Variants in HACD1 observed in about 807,000 individuals in gnomAD.
HACD1 encodes the protein 3-hydroxyacyl-CoA dehydratase 1.
HACD1 carries 41 observed loss-of-function variants against 32.0 expected under a neutral mutation model. The observed-to-expected ratio is 1.28, with a 90% CI of 1.00 to 1.66. The LOEUF is 1.66. Ranked by LOEUF, HACD1 falls within the 40% of genes most tolerant of loss-of-function variation. HACD1 has a pLI of 0.00. For synonymous variants in HACD1, 142 were observed against 139.0 expected, an observed-to-expected ratio of 1.02 and a Z score of -0.15; for missense variants, 396 against 380.1, an observed-to-expected ratio of 1.04 and a Z score of -0.35.
chr10:17,606,620 A>C (rs1834152647), intron 1 of HACD1, among the ~76,000 whole-genome samples: 1 of 152,238 alleles, frequency 6.6e-6, no homozygotes, highest in Non-Finnish European at 1.5e-5. Context: ...AGAATCTACT[A>C]ACTGAATCTG....
At chr10:17,615,823 G>T (rs1375165991) in intron 1 of HACD1, 6 of 430,520 alleles carry the variant, frequency 1.4e-5, no homozygotes, top group Non-Finnish European at 2.3e-5. Flanking sequence ...AAAAATTAAT[G>T]GGGCGTGGTG....
intron 1 of HACD1, among the ~76,000 whole-genome samples, chr10:17,616,735 C>G (rs1308499693): frequency 1.3e-5 from 2 of 152,018 alleles, no homozygotes; most frequent in Non-Finnish European, 2.9e-5. Context: ...GCTCCCGAGA[C>G]CATCGAGTGG....
chr10:17,592,089 T>A (rs1833936616), intron 6 of HACD1, among the ~76,000 whole-genome samples: 1 of 150,782 alleles, frequency 6.6e-6, no homozygotes, highest in Admixed American at 6.7e-5. Context: ...TTCAGTGATT[T>A]TCCTGCATCA....
In HACD1 at chr10:17,608,597, G is replaced by A. The variant is rs782390455; in HGVS notation, c.258-4550C>T. Reference sequence around the variant, plus strand: ...AACCTCCCAGGTTCCAGTGATTCTCGTGCCTTAGCCTCCCAAGTGGCTGGG... The same window carrying A: ...AACCTCCCAGGTTCCAGTGATTCTCATGCCTTAGCCTCCCAAGTGGCTGGG... On this transcript the variant is annotated intron_variant, in intron 1 of 6. Coordinates refer to ENST00000361271, the MANE Select transcript of HACD1 (RefSeq NM_014241.4). 4.6e-5 allele frequency among the ~76,000 whole-genome samples: 7 copies of A among 151,548 alleles called. No homozygotes were observed. In the South Asian group the frequency reaches 8.4e-4, roughly 18 times the overall value.
In HACD1 at chr10:17,590,241, A is replaced by G; in HGVS notation, c.*123T>C. The G allele has an allele frequency of 1.5e-6, 1 of 659,934 alleles. No individual in the cohort carries two copies. The highest frequency in any genetic ancestry group is 2.5e-6 in the Non-Finnish European group (1 of 398,704). 40.9% of individuals were successfully genotyped at this position (659,934 alleles called of 1,614,324 possible). On this transcript the variant is annotated 3_prime_UTR_variant, in exon 7 of 7. Coordinates refer to ENST00000361271, the MANE Select transcript of HACD1 (RefSeq NM_014241.4). ...ATACTGGCAAATACCACGTGTCTCA[A>G]GTTATATTTTAAGAAACCATACAAT...
At chr10:17,600,545 C>T (rs1277329087) in intron 4 of HACD1, among the ~76,000 whole-genome samples, 4 of 152,090 alleles carry the variant, frequency 2.6e-5, no homozygotes, top group South Asian at 2.1e-4. Flanking sequence ...AGGCTGGTCT[C>T]GAATTCCTGA....
chr10:17,602,725 A>G (rs975689045), intron 4 of HACD1, among the ~76,000 whole-genome samples: 1 of 152,126 alleles, frequency 6.6e-6, no homozygotes, highest in Non-Finnish European at 1.5e-5. Context: ...GCTATTAACT[A>G]TAGTCACTAC....
intron 2 of HACD1, 47 bp from the exon 3 acceptor site, chr10:17,603,791 T>G (rs17378371): frequency 6.4e-7 from 1 of 1,554,098 alleles, no homozygotes; most frequent in East Asian, 2.2e-5. Context: ...TAGAAAACAT[T>G]AAATAAACCA....
In HACD1 at chr10:17,599,423, C is replaced by T. The variant is rs782225252; in HGVS notation, c.484-12G>A. On this transcript the variant is annotated splice_polypyrimidine_tract_variant and intron_variant, in intron 4 of 6. Transcript: ENST00000361271. ...TCTTCATTCTGGATCTGCAGAATTA[C>T]AGAGAAACCCAGTGTCATTCAACCT... The T allele has an allele frequency of 6.2e-7, 1 of 1,610,948 alleles. No individual in the cohort carries two copies.
In HACD1 at chr10:17,604,031, T is replaced by A. The variant is rs2131513153; in HGVS notation, c.274A>T (p.Ile92Phe). The change falls in exon 2 of 7, where the codon ATT becomes TTT. Residue 92 changes from isoleucine (I) to phenylalanine (F), a missense_variant. Ile to Phe is a conservative substitution (Grantham distance 21). Transcript: ENST00000361271. ...TCCATATAAAAACGTACCATGGCAA[T>A]AGCTAGAACCAACCACCTAAAAAAA... ...AMTAGWLVLA[I>F]AMVRFYMEKG... 2 of 1,574,578 alleles carry A rather than the reference T, an allele frequency of 1.3e-6. No homozygotes were observed. Among genetic ancestry groups the A allele is most frequent in the South Asian group, 2.4e-5 (2 of 84,362 alleles).
chr10:17,593,225 G>A (rs1175747220), intron 6 of HACD1, among the ~76,000 whole-genome samples: 3 of 152,046 alleles, frequency 2.0e-5, no homozygotes, highest in East Asian at 1.9e-4. Flanking sequence ...AGTTTTATGC[G>A]CATCTCCTTT....
chr10:17,589,484 C>A lies in HACD1; in HGVS notation c.*880G>T, dbSNP rs534459128. The A allele has an allele frequency of 1.4e-4, 22 of 152,218 alleles. No homozygotes were observed. In the East Asian group the frequency reaches 4.2e-3, roughly 29 times the overall value. The allele number at this position is 152,218 out of a possible 1,614,324, so 9.4% of individuals were successfully genotyped here. A position where few individuals can be genotyped will look rare whatever the true frequency, so the allele number is the denominator to read the frequency against. On this transcript the variant is annotated 3_prime_UTR_variant, in exon 7 of 7. Coordinates refer to ENST00000361271, the MANE Select transcript of HACD1 (RefSeq NM_014241.4). ...TTTGTAATTTTTTTAGGGATGGGGT[C>A]TTGCTATGTTGCCCAGACTGGCCTT... is the stretch of plus-strand genomic sequence containing the variant.
intron 1 of HACD1, among the ~76,000 whole-genome samples, chr10:17,605,696 G>A (rs1834136775): frequency 1.3e-5 from 2 of 151,018 alleles, no homozygotes; most frequent in Non-Finnish European, 2.9e-5. Context: ...GCTCACCCCT[G>A]TAATCCCAAC....
At chr10:17,606,208 A>G (rs1365310308) in intron 1 of HACD1, among the ~76,000 whole-genome samples, 1 of 152,150 alleles carries the variant, frequency 6.6e-6, no homozygotes, top group African/African-American at 2.4e-5. Context: ...AAGAAAGAAA[A>G]AAATACTATA....
intron 6 of HACD1, 64 bp from the exon 7 acceptor site, chr10:17,590,510 C>G (rs1833915289): frequency 8.1e-7 from 1 of 1,238,648 alleles, no homozygotes; most frequent in East Asian, 2.4e-5. Flanking sequence ...TACTTGAAAC[C>G]TGTTAAATGT....
chr10:17,604,567 G>A (rs1313360033), intron 1 of HACD1, among the ~76,000 whole-genome samples: 1 of 151,772 alleles, frequency 6.6e-6, no homozygotes, highest in Non-Finnish European at 1.5e-5. Context: ...GACATATCAT[G>A]CAACACGGAT....
At chr10:17,605,576 A>T (rs557318927) in intron 1 of HACD1, among the ~76,000 whole-genome samples, 4 of 151,888 alleles carry the variant, frequency 2.6e-5, no homozygotes, top group Non-Finnish European at 5.9e-5. Flanking sequence ...TTTTCACTAA[A>T]AACAACAACA....
At chr10:17,610,519 C>T (rs1554817406) in intron 1 of HACD1, among the ~76,000 whole-genome samples, 2 of 151,664 alleles carry the variant, frequency 1.3e-5, no homozygotes, top group Admixed American at 6.6e-5. Context: ...TGTGGTGGCA[C>T]GTGACTGTAG....
intron 4 of HACD1, among the ~76,000 whole-genome samples, chr10:17,601,178 T>C (rs56222169): frequency 0.36 from 54,450 of 151,604 alleles, 10,282 homozygotes; most frequent in Middle Eastern, 0.44. Flanking sequence ...GGACTACAGG[T>C]GCGCACCACC....
Sources: gnomAD v4.1 joint callset for allele counts (sites outside exome capture counted in the v4.1 genomes callset) on GRCh38, gnomAD v4.1.1 for gene constraint, MANE v1.5 for transcripts, NCBI Gene and HGNC (gene_info 2026-07-23, HGNC 2026-07-21) for gene names.